The following CACNB4 variants were observed in gnomAD, a reference collection of about 807,000 sequenced individuals.
CACNB4 encodes the protein voltage-dependent L-type calcium channel subunit beta-4.
Under a neutral mutation model 71.2 loss-of-function variants are expected in CACNB4, and 32 were observed. The observed-to-expected ratio is 0.45, with a 90% CI of 0.34 to 0.60. The LOEUF (loss-of-function observed/expected upper bound fraction) is 0.60, where lower values mean the gene tolerates loss of function less well. CACNB4 is among the 20% of genes least tolerant of loss of function. CACNB4 has a pLI of 0.01. For missense variants in CACNB4, 464 were observed against 647.9 expected, an observed-to-expected ratio of 0.72 and a Z score of 3.08; for synonymous variants, 231 against 236.9, an observed-to-expected ratio of 0.97 and a Z score of 0.23.
intron 2 of CACNB4, among the ~76,000 whole-genome samples, chr2:152,054,709 C>T (rs1211279830): frequency 6.6e-6 from 1 of 152,126 alleles, no homozygotes; most frequent in Non-Finnish European, 1.5e-5. Context: ...ATGAGGATTC[C>T]AATTTCCCCA....
chr2:151,924,306 C>CT (rs773481751), intron 2 of CACNB4, among the ~76,000 whole-genome samples: 27 of 151,560 alleles, frequency 1.8e-4, no homozygotes, highest in Admixed American at 3.3e-4. Context: ...TCTTGATCTC[C>CT]TGACCTCGTG....
intron 2 of CACNB4, chr2:151,971,485 C>T (rs2151730412): frequency 1.4e-6 from 1 of 702,686 alleles, no homozygotes; most frequent in Non-Finnish European, 2.6e-6. Context: ...CCTTTCCACG[C>T]CTATCCACCA....
rs2099836338 is a variant in CACNB4, at chr2:151,841,967, A to G, written c.1238T>C (p.Leu413Pro). The change falls in exon 13 of 14, where the codon CTG becomes CCG. Residue 413 changes from leucine to proline, a missense_variant. By Grantham distance (98) the Leu-to-Pro change is moderately conservative. Around this residue, in one of 3 missense-constraint regions of CACNB4, gnomAD observed 299 missense variants for 471.7 expected, o/e 0.63. Transcript: ENST00000539935. ...CGTGGAGCCCAAATTCCTTCCCAGC[A>G]GCGGGGTCATGGGTGTGCTACTGGT... is the stretch of plus-strand genomic sequence containing the variant. ...HTTSSTPMTP[L>P]LGRNLGSTAL... The G allele has an allele frequency of 6.2e-6, 10 of 1,613,804 alleles. No individual in the cohort carries two copies. The highest frequency in any genetic ancestry group is 5.0e-5 in the Admixed American group (3 of 59,990).
At chr2:151,956,763 G>A (rs1334709408) in intron 2 of CACNB4, among the ~76,000 whole-genome samples, 7 of 152,204 alleles carry the variant, frequency 4.6e-5, no homozygotes, top group African/African-American at 9.7e-5. Context: ...GATTGTAGGC[G>A]AGGAGGGAGA....
chr2:151,996,341 C>A (rs1007441886), intron 2 of CACNB4, among the ~76,000 whole-genome samples: 1 of 152,012 alleles, frequency 6.6e-6, no homozygotes, highest in Non-Finnish European at 1.5e-5. Flanking sequence ...CTTAGACAAC[C>A]AAAGATTAAT....
At chr2:151,954,859 T>TC (rs2099867793) in intron 2 of CACNB4, among the ~76,000 whole-genome samples, 1 of 141,602 alleles carries the variant, frequency 7.1e-6, no homozygotes, top group Non-Finnish European at 1.5e-5. Context: ...ACTTTTTTTT[T>TC]TTTTTTTTTT....
Position 152,098,911 on chromosome 2 carries a change from A to C in CACNB4, c.63+38T>G. The stretch of plus-strand genomic sequence containing the variant: ...GCGGCGGAGGAGGTGTGAGGAAGGA[A>C]GAGGAGGAAGAGGAGAAGGGGGAGG... On this transcript the variant is annotated intron_variant, in intron 1 of 13. Transcript: ENST00000539935. The surrounding 1 kb of genome is among the most constrained non-coding windows in gnomAD (Gnocchi z 5.3). The C allele has an allele frequency of 2.7e-6, 3 of 1,124,614 alleles. No homozygotes were observed. The highest frequency in any genetic ancestry group is 3.5e-6 in the Non-Finnish European group (3 of 848,254). The allele number at this position is 1,124,614 out of a possible 1,614,324, so 69.7% of individuals were successfully genotyped here.
intron 8 of CACNB4, 41 bp downstream of exon 8, chr2:151,870,490 T>C: frequency 4.0e-6 from 6 of 1,514,632 alleles, no homozygotes; most frequent in Non-Finnish European, 5.5e-6. Flanking sequence ...GTCTCCTGGG[T>C]GCTCGATCAA....
At chr2:152,017,981 C>T (rs1683439859) in intron 2 of CACNB4, among the ~76,000 whole-genome samples, 1 of 151,752 alleles carries the variant, frequency 6.6e-6, no homozygotes, top group Non-Finnish European at 1.5e-5. Flanking sequence ...TACAGGTGCT[C>T]ACCACCATGC....
Position 151,888,479 on chromosome 2 carries a change from T to C in CACNB4, c.148-5109A>G, listed in dbSNP as rs533990046. On this transcript the variant is annotated intron_variant, in intron 2 of 13. Coordinates refer to ENST00000539935, the MANE Select transcript of CACNB4 (RefSeq NM_000726.5). ...TACTTGGGAGGCTGAGGTGGGAGGA[T>C]TGCTTGAGCCCGGGAGGTGGAGGCT... Among the ~76,000 whole-genome samples, 6 of 152,174 alleles carry C rather than the reference T, an allele frequency of 3.9e-5. No homozygotes were observed. In the South Asian group the frequency reaches 1.2e-3, roughly 32 times the overall value.
At chr2:152,022,071 T>C (rs1315736490) in intron 2 of CACNB4, among the ~76,000 whole-genome samples, 1 of 152,214 alleles carries the variant, frequency 6.6e-6, no homozygotes, top group Non-Finnish European at 1.5e-5. Flanking sequence ...TGACTGCACA[T>C]GAGCTCATCA....
At chr2:152,056,788 C>A (rs1685752299) in intron 2 of CACNB4, among the ~76,000 whole-genome samples, 1 of 152,190 alleles carries the variant, frequency 6.6e-6, no homozygotes, top group Non-Finnish European at 1.5e-5. Flanking sequence ...AATCCCTAGA[C>A]AATAAGGCGA....
chr2:152,091,225 G>A (rs1423182105), intron 2 of CACNB4, among the ~76,000 whole-genome samples: 1 of 152,094 alleles, frequency 6.6e-6, no homozygotes, highest in Non-Finnish European at 1.5e-5. Context: ...GAGCGACAGA[G>A]TTCTTTCTTG....
At chr2:152,077,565 C>T (rs1687102142) in intron 2 of CACNB4, among the ~76,000 whole-genome samples, 1 of 151,608 alleles carries the variant, frequency 6.6e-6, no homozygotes, top group African/African-American at 2.4e-5. Context: ...AACAAACAAA[C>T]AAAAAAATAC....
chr2:151,925,377 G>A (rs571608498), intron 2 of CACNB4, among the ~76,000 whole-genome samples: 93 of 152,232 alleles, frequency 6.1e-4, no homozygotes, highest in Non-Finnish European at 1.1e-3. Flanking sequence ...ATTTCTGAAC[G>A]TCCTTTAAAA....
At chr2:151,951,297 A>T (rs1003946450) in intron 2 of CACNB4, among the ~76,000 whole-genome samples, 2 of 152,020 alleles carry the variant, frequency 1.3e-5, no homozygotes, top group Non-Finnish European at 2.9e-5. Flanking sequence ...AATTAAAAAA[A>T]AAAACAACTA....
chr2:151,949,543 C>A (rs1176851018), intron 2 of CACNB4, among the ~76,000 whole-genome samples: 2 of 152,010 alleles, frequency 1.3e-5, no homozygotes, highest in African/African-American at 4.8e-5. Context: ...CAGCATGGTC[C>A]GTTCAGGGAC....
chr2:152,089,473 C>T lies in CACNB4; in HGVS notation c.147+8857G>A, dbSNP rs1248840008. On this transcript the variant is annotated intron_variant, in intron 2 of 13. Coordinates refer to ENST00000539935, the MANE Select transcript of CACNB4 (RefSeq NM_000726.5). ...AAAAACAGTCCAGAAGCTCAGCCTA[C>T]ACCAGGCTCACCCCACTGAAGGATC... 2.6e-5 allele frequency among the ~76,000 whole-genome samples: 4 copies of T among 152,212 alleles called. No individual in the cohort carries two copies. The South Asian group carries it at 6.2e-4, about 24-fold the overall frequency.
intron 2 of CACNB4, among the ~76,000 whole-genome samples, chr2:151,945,052 C>G (rs7599149): frequency 0.99 from 151,368 of 152,318 alleles, 75,219 homozygotes; most frequent in Middle Eastern, 1. Flanking sequence ...TTCGCTTGCA[C>G]TCTGGGTTTC....
Sources: allele counts gnomAD v4.1 joint callset (sites outside exome capture counted in the v4.1 genomes callset), GRCh38; gene constraint gnomAD v4.1.1; regional missense constraint gnomAD v4.1.1; non-coding constraint Gnocchi (gnomAD v3.1); transcripts MANE v1.5; gene names NCBI Gene and HGNC (gene_info 2026-07-23, HGNC 2026-07-21).